The following ITIH2 variants were observed in gnomAD, a reference collection of about 807,000 sequenced individuals.
ITIH2 encodes the protein inter-alpha-trypsin inhibitor heavy chain H2.
In ITIH2, 103 loss-of-function variants were observed where a neutral mutation model predicts 104.4. The observed-to-expected ratio is 0.99, with a 90% CI of 0.84 to 1.16. ITIH2 has a LOEUF of 1.16. ITIH2 is among the 50% of genes most tolerant of loss of function. The pLI is 0.00. For synonymous variants in ITIH2, 436 were observed against 435.4 expected (o/e 1.00, Z -0.02); for missense variants, 1,108 against 1,162.4 (o/e 0.95, Z 0.68).
At chr10:7,747,063 T>G (rs1385438587) in intron 20 of ITIH2, among the ~76,000 whole-genome samples, 4 of 152,184 alleles carry the variant, frequency 2.6e-5, no homozygotes. Flanking sequence ...GAATGTAGAT[T>G]TTTACATCAG....
Position 7,738,764 on chromosome 10 carries a change from G to A in ITIH2, c.2095+6G>A, listed in dbSNP as rs751747654. 13 of 1,590,008 alleles carry A rather than the reference G, an allele frequency of 8.2e-6. No homozygotes were observed. The highest frequency in any genetic ancestry group is 1.4e-5 in the African/African-American group (1 of 73,622). ...ACCCCCACATGTGATGAGAGGTAAC[G>A]CTTCTACACTGCTTGCACGTCCCAG... is the stretch of plus-strand genomic sequence containing the variant. On this transcript the variant is annotated splice_donor_region_variant and intron_variant, in intron 16 of 20. Coordinates refer to ENST00000358415, the MANE Select transcript of ITIH2 (RefSeq NM_002216.3).
rs2130955633 is a variant in ITIH2 at position 7,731,904 on chromosome 10, C to T, written c.1555C>T (p.His519Tyr). The change falls in exon 13 of 21, where the codon CAT (histidine) becomes TAT (tyrosine). Residue 519 changes from histidine to tyrosine, a missense_variant. Physicochemically the swap from His to Tyr is moderately conservative, Grantham distance 83 (BLOSUM62 2). Coordinates refer to ENST00000358415, the MANE Select transcript of ITIH2 (RefSeq NM_002216.3). ...CACGGACGTCACTCAAAACAATTTC[C>T]ATAACTACTTTGGAGGCTCAGAGAT... ...SVTDVTQNNF[H>Y]NYFGGSEIVV... 6.2e-7 allele frequency: 1 copy of T among 1,613,988 alleles called. No individual in the cohort carries two copies. Among genetic ancestry groups the T allele is most frequent in the Non-Finnish European group, 8.5e-7 (1 of 1,179,894 alleles).
intron 11 of ITIH2, among the ~76,000 whole-genome samples, chr10:7,729,602 G>T (rs1834982577): frequency 6.6e-6 from 1 of 151,786 alleles, no homozygotes; most frequent in Admixed American, 6.6e-5. Flanking sequence ...ATGCCCTTGA[G>T]ATTGTCTGGT....
At chr10:7,708,598 T>C (rs1367561440) in intron 3 of ITIH2, among the ~76,000 whole-genome samples, 3 of 152,166 alleles carry the variant, frequency 2.0e-5, no homozygotes, top group East Asian at 3.9e-4. Context: ...AGCACCCCTG[T>C]GTGACCCCTA....
intron 15 of ITIH2, among the ~76,000 whole-genome samples, chr10:7,735,513 T>A (rs1304903643): frequency 1.3e-5 from 2 of 152,164 alleles, no homozygotes; most frequent in Admixed American, 1.3e-4. Flanking sequence ...CACTCCCGCC[T>A]CCTGGGGGTG....
At chr10:7,737,194 A>G (rs1336178459) in intron 15 of ITIH2, among the ~76,000 whole-genome samples, 1 of 151,208 alleles carries the variant, frequency 6.6e-6, no homozygotes, top group Non-Finnish European at 1.5e-5. Context: ...TTTAGGAACG[A>G]GTCTGTGTCT....
intron 19 of ITIH2, 40 bp downstream of exon 19, chr10:7,745,003 T>G: frequency 6.4e-7 from 1 of 1,566,898 alleles, no homozygotes; most frequent in Non-Finnish European, 8.8e-7. Context: ...GTGGGGCCGC[T>G]CTAATTCTTT....
At chr10:7,706,746 C>A (rs1355572393) in intron 2 of ITIH2, among the ~76,000 whole-genome samples, 1 of 152,118 alleles carries the variant, frequency 6.6e-6, no homozygotes, top group Non-Finnish European at 1.5e-5. Context: ...GAGCTGAGAT[C>A]TGAAGGGTGA....
intron 16 of ITIH2, among the ~76,000 whole-genome samples, chr10:7,740,649 C>G (rs1413006955): frequency 1.3e-5 from 2 of 152,208 alleles, no homozygotes; most frequent in Non-Finnish European, 2.9e-5. Context: ...TTTCTCTTCT[C>G]TGTTGTATGA....
rs749501304 is a variant in ITIH2, at chr10:7,709,182, A to G, written c.353A>G (p.Asn118Ser). The change falls in exon 4 of 21, where the codon AAC (asparagine) becomes AGC (serine). Residue 118 changes from asparagine (N) to serine (S), a missense_variant. Transcript: ENST00000358415. ...VQIPKGAFIS[N>S]FSMTVDGKTF... ...ATCCCCAAAGGAGCATTCATTTCCA[A>G]CTTCTCCATGTGAGTAACTTCTGTG... The G allele has an allele frequency of 3.5e-5, 57 of 1,613,958 alleles. No individual in the cohort carries two copies. Among genetic ancestry groups the G allele is most frequent in the Middle Eastern group, 3.3e-4 (2 of 6,084 alleles).
intron 6 of ITIH2, among the ~76,000 whole-genome samples, chr10:7,720,299 A>G (rs912141067): frequency 1.1e-4 from 17 of 152,336 alleles, no homozygotes; most frequent in African/African-American, 4.1e-4. Context: ...AGATTTTTCA[A>G]AATAATTACA....
At chr10:7,705,595 G>A (rs1455755985) in intron 2 of ITIH2, among the ~76,000 whole-genome samples, 1 of 151,112 alleles carries the variant, frequency 6.6e-6, no homozygotes, top group Non-Finnish European at 1.5e-5. Context: ...CCAGCTATTT[G>A]AGAAGCTGAG....
intron 16 of ITIH2, among the ~76,000 whole-genome samples, chr10:7,741,403 T>C (rs926666692): frequency 2.0e-5 from 3 of 151,972 alleles, no homozygotes; most frequent in Non-Finnish European, 2.9e-5. Context: ...TGGTCTCGAA[T>C]GCCTGACCTC....
intron 14 of ITIH2, among the ~76,000 whole-genome samples, chr10:7,732,769 C>T (rs1163178985): frequency 2.6e-5 from 4 of 151,862 alleles, no homozygotes; most frequent in African/African-American, 9.7e-5. Context: ...GCTCTGTCTC[C>T]CAGGCTGGAG....
chr10:7,738,684 CA>C lies in ITIH2; in HGVS notation c.2023del (p.Thr675ArgfsTer3). ...ACCCCGTCTTGGGCCAATCCTTCACCAACGCCCGTGATCTCCATGCTGGCAC... is the reference window on the plus strand; with the variant it reads ...ACCCCGTCTTGGGCCAATCCTTCACCACGCCCGTGATCTCCATGCTGGCAC... ...DSTPSWANPS[P>X]TPVISMLAQG... On this transcript the variant is annotated frameshift_variant, in exon 16 of 21. Coordinates refer to ENST00000358415, the MANE Select transcript of ITIH2 (RefSeq NM_002216.3). LOFTEE classifies it high-confidence loss of function. 1.2e-6 allele frequency: 2 copies of C among 1,613,756 alleles called. No individual in the cohort carries two copies. Among genetic ancestry groups the C allele is most frequent in the South Asian group, 2.2e-5 (2 of 91,082 alleles).
intron 5 of ITIH2, among the ~76,000 whole-genome samples, chr10:7,713,679 T>A (rs12269009): frequency 0.043 from 6,583 of 152,252 alleles, 192 homozygotes; most frequent in African/African-American, 0.077. Context: ...TGACTACTTG[T>A]AGGGATAAGG....
rs1343363444 is a variant in ITIH2, at chr10:7,723,513, C to T, written c.930C>T (p.Asn310=). 3.1e-6 allele frequency: 5 copies of T among 1,614,074 alleles called. No homozygotes were observed. Among genetic ancestry groups the T allele is most frequent in the Non-Finnish European group, 4.2e-6 (5 of 1,179,944 alleles). ...APDNLDPIPK[N]ILFVIDVSGS... is the part of the protein sequence containing the mutation. ...ACAACCTGGACCCAATTCCCAAAAACATCCTCTTTGTCATCGATGTGAGTG... is the reference window on the plus strand; with the variant it reads ...ACAACCTGGACCCAATTCCCAAAAATATCCTCTTTGTCATCGATGTGAGTG... Residue 310 remains asparagine (N), a synonymous_variant, in exon 9 of 21, where the codon AAC becomes AAT. Coordinates refer to ENST00000358415, the MANE Select transcript of ITIH2 (RefSeq NM_002216.3).
At position 7,734,998 on chromosome 10, in the gene ITIH2, G is replaced by A; in HGVS notation, c.1864G>A (p.Val622Met). The part of the protein sequence containing the change: ...ILQMSLDHHI[V>M]TPLTSLVIEN... ...GCAGATGTCTCTAGACCACCACATT[G>A]TGACTCCGCTGACCTCGCTGGTGAT... The change falls in exon 15 of 21, where the codon GTG (valine) becomes ATG (methionine). Residue 622 changes from valine (V) to methionine (M), a missense_variant. Physicochemically the swap from Val to Met is conservative, Grantham distance 21. Coordinates refer to ENST00000358415, the MANE Select transcript of ITIH2 (RefSeq NM_002216.3). The A allele has an allele frequency of 6.2e-7, 1 of 1,613,884 alleles. No homozygotes were observed. The highest frequency in any genetic ancestry group is 8.5e-7 in the Non-Finnish European group (1 of 1,180,028).
At chr10:7,741,148 G>GAGGAT (rs1190814786) in intron 16 of ITIH2, among the ~76,000 whole-genome samples, 22 of 147,488 alleles carry the variant, frequency 1.5e-4, no homozygotes, top group Admixed American at 2.7e-4. Context: ...GAGGAAGAAA[G>GAGGAT]AGGATATCAT....
Sources: allele counts gnomAD v4.1 joint callset (sites outside exome capture counted in the v4.1 genomes callset), GRCh38; gene constraint gnomAD v4.1.1; transcripts MANE v1.5; gene names NCBI Gene and HGNC (gene_info 2026-07-23, HGNC 2026-07-21).